The following MAPK6 variants were observed in gnomAD, a reference collection of about 807,000 sequenced individuals.
MAPK6 encodes the protein mitogen-activated protein kinase 6.
In MAPK6, 19 loss-of-function variants were observed where a neutral mutation model predicts 59.3. The ratio of observed to expected loss-of-function variants is 0.32; its 90% confidence interval spans 0.22 to 0.47. MAPK6 has a LOEUF of 0.47. MAPK6 is among the 20% of genes least tolerant of loss of function. The pLI is 1.00. For missense variants in MAPK6, 724 were observed against 847.9 expected, an observed-to-expected ratio of 0.85 and a Z score of 1.81; for synonymous variants, 316 against 290.3, an observed-to-expected ratio of 1.09 and a Z score of -0.90.
At position 51,990,318 on chromosome 15, in the gene MAPK6, G is replaced by A. The variant is rs1023372177; in HGVS notation, c.-770+7003G>A. On this transcript the variant is annotated intron_variant, in intron 2 of 7. Transcript: ENST00000691380. The stretch of plus-strand genomic sequence containing the variant: ...ACAGATTATGCAAATCCATGCTAAG[G>A]CCAACACAAAAGAAGCAGGTTGATC... 4.9e-4 allele frequency among the ~76,000 whole-genome samples: 75 copies of A among 152,310 alleles called. 1 individual carries two copies. The highest frequency in any genetic ancestry group is 3.4e-3 in the Middle Eastern group (1 of 294).
chr15:52,010,975 T>TA (rs2030039692), intron 3 of MAPK6: 1 of 152,226 alleles, frequency 6.6e-6, no homozygotes, highest in South Asian at 2.1e-4. Flanking sequence ...ATTCTCTCCA[T>TA]AATCTTTAAC....
At chr15:52,024,036 G>T (rs548060290) in intron 1 of MAPK6, among the ~76,000 whole-genome samples, 1 of 152,036 alleles carries the variant, frequency 6.6e-6, no homozygotes, top group South Asian at 2.1e-4. Context: ...GTTAAATTTG[G>T]TATTTTTTTC....
chr15:51,994,716 G>A (rs2057219789), intron 2 of MAPK6, among the ~76,000 whole-genome samples: 1 of 152,322 alleles, frequency 6.6e-6, no homozygotes, highest in East Asian at 1.9e-4. Context: ...CCACATCAGT[G>A]ATGGGACAAA....
At chr15:52,032,050 A>G (rs2031058036) in intron 1 of MAPK6, among the ~76,000 whole-genome samples, 1 of 150,528 alleles carries the variant, frequency 6.6e-6, no homozygotes, top group Non-Finnish European at 1.5e-5. Flanking sequence ...TTTTTTTTGT[A>G]TTTTTAGTAG....
Position 51,990,725 on chromosome 15 carries a change from C to T in MAPK6, c.-770+7410C>T, listed in dbSNP as rs183305843. The stretch of plus-strand genomic sequence containing the variant: ...CAGCATTTTGGGAGGCCAAGGCAGG[C>T]GGATCACGAGGTCGGGAGATCGAGA... On this transcript the variant is annotated intron_variant, in intron 2 of 7. Coordinates refer to the MAPK6 transcript ENST00000691380. Among the ~76,000 whole-genome samples the T allele has an allele frequency of 3.1e-3, 479 of 152,250 alleles. 1 individual carries two copies. The highest frequency in any genetic ancestry group is 4.2e-3 in the Non-Finnish European group (288 of 68,020).
chr15:52,030,087 T>G (rs1005280627), intron 1 of MAPK6, among the ~76,000 whole-genome samples: 1 of 152,192 alleles, frequency 6.6e-6, no homozygotes, highest in African/African-American at 2.4e-5. Context: ...TTTCTTTTGC[T>G]CCAAAATGCC....
At chr15:51,989,744 C>G (rs749610355) in intron 2 of MAPK6, among the ~76,000 whole-genome samples, 2 of 152,022 alleles carry the variant, frequency 1.3e-5, no homozygotes, top group Non-Finnish European at 2.9e-5. Flanking sequence ...GGACTACAGG[C>G]ATGTGCCACC....
upstream of MAPK6, among the ~76,000 whole-genome samples, chr15:52,016,070 G>GCGCGCGCACACGCGCGCACACACA: frequency 1.8e-5 from 1 of 55,392 alleles, no homozygotes; most frequent in Non-Finnish European, 3.4e-5. Flanking sequence ...GCGCGCGCGC[G>GCGCGCGCACACGCGCGCACACACA]CACACACACA....
At chr15:51,980,536 C>T (rs1277548188) in intron 1 of MAPK6, among the ~76,000 whole-genome samples, 7 of 148,038 alleles carry the variant, frequency 4.7e-5, no homozygotes, top group Admixed American at 1.4e-4. Context: ...CTGGGCATCA[C>T]ATTAGTTGCC....
chr15:51,982,597 A>G (rs2057177781), intron 1 of MAPK6, among the ~76,000 whole-genome samples: 1 of 152,170 alleles, frequency 6.6e-6, no homozygotes, highest in Admixed American at 6.5e-5. Context: ...ATAAGAGGAG[A>G]CTTGAAGAAT....
chr15:51,993,057 G>C (rs185770257), intron 2 of MAPK6, among the ~76,000 whole-genome samples: 1 of 152,204 alleles, frequency 6.6e-6, no homozygotes, highest in Non-Finnish European at 1.5e-5. Context: ...ATGGTTGGTG[G>C]GGGGGTAAAA....
At chr15:52,009,458 AAAGT>A (rs901255790) in intron 3 of MAPK6, among the ~76,000 whole-genome samples, 42 of 152,354 alleles carry the variant, frequency 2.8e-4, no homozygotes, top group African/African-American at 1.0e-3. Context: ...CTGAAGCCAG[AAAGT>A]GTCACTCTCT....
chr15:52,047,621 CA>C (rs1228094347), intron 2 of MAPK6, among the ~76,000 whole-genome samples: 1 of 151,058 alleles, frequency 6.6e-6, no homozygotes, highest in African/African-American at 2.4e-5. Context: ...GCTAGGATTA[CA>C]GGTGTGAGCC....
chr15:52,037,756 G>GT (rs1428932775), intron 1 of MAPK6, among the ~76,000 whole-genome samples: 16 of 152,186 alleles, frequency 1.1e-4, no homozygotes, highest in African/African-American at 3.9e-4. Flanking sequence ...AGATCAGAAT[G>GT]TGATCAGATT....
At chr15:52,018,634 C>G (rs1214995388), upstream of MAPK6, 1 of 152,322 alleles carries the variant, frequency 6.6e-6, no homozygotes, top group East Asian at 1.9e-4. Context: ...TGTCCTATCC[C>G]AGTTCCTGCA....
intron 1 of MAPK6, among the ~76,000 whole-genome samples, chr15:51,974,155 T>C (rs919543442): frequency 1.3e-5 from 2 of 151,758 alleles, no homozygotes; most frequent in Admixed American, 1.3e-4. Context: ...AGAAACAAGG[T>C]CTCACTATGT....
At chr15:51,976,056 G>A (rs916334111) in intron 1 of MAPK6, among the ~76,000 whole-genome samples, 1 of 151,644 alleles carries the variant, frequency 6.6e-6, no homozygotes, top group African/African-American at 2.4e-5. Context: ...CACGAGGTCA[G>A]GAAAGCAAGA....
chr15:52,042,144 G>A (rs886235008), intron 1 of MAPK6, among the ~76,000 whole-genome samples: 7 of 152,156 alleles, frequency 4.6e-5, no homozygotes, highest in Admixed American at 3.9e-4. Context: ...CCAAGATCCT[G>A]GCTGAAAAGG....
chr15:52,040,731 T>C (rs1285651427), intron 1 of MAPK6, among the ~76,000 whole-genome samples: 5 of 152,192 alleles, frequency 3.3e-5, no homozygotes, highest in Non-Finnish European at 7.3e-5. Flanking sequence ...CAGGAGGTAA[T>C]GTAGCAAAGA....
Sources: gnomAD v4.1 joint callset for allele counts (sites outside exome capture counted in the v4.1 genomes callset) on GRCh38, gnomAD v4.1.1 for gene constraint, MANE v1.5 for transcripts, NCBI Gene and HGNC (gene_info 2026-07-23, HGNC 2026-07-21) for gene names.